The following EYS variants were observed in gnomAD, a reference collection of about 807,000 sequenced individuals.
EYS encodes EGF-like photoreceptor maintenance factor, also known as protein eyes shut homolog.
In EYS, 250 loss-of-function variants were observed where a neutral mutation model predicts 282.1. The ratio of observed to expected loss-of-function variants is 0.89; its 90% CI spans 0.80 to 0.98. EYS has a LOEUF of 0.98. Ranked by LOEUF, EYS falls within the 50% of genes least tolerant of loss-of-function variation. The pLI is 0.00. For missense variants in EYS, 4,016 were observed against 3,709.0 expected (o/e 1.08, Z -2.15); for synonymous variants, 1,355 against 1,282.9 (o/e 1.06, Z -1.20).
intron 2 of EYS, among the ~76,000 whole-genome samples, chr6:65,627,961 T>G (rs1766775227): frequency 6.6e-6 from 1 of 152,246 alleles, no homozygotes; most frequent in South Asian, 2.1e-4. Context: ...CAGCTCCACC[T>G]GCAGCCCCGG....
intron 22 of EYS, among the ~76,000 whole-genome samples, chr6:64,809,573 C>A (rs1221971412): frequency 2.6e-5 from 4 of 151,952 alleles, no homozygotes; most frequent in Non-Finnish European, 4.4e-5. Context: ...AACCTACATG[C>A]CCATCAACAG....
chr6:65,416,495 T>G (rs574836739), intron 5 of EYS, among the ~76,000 whole-genome samples: 1 of 152,096 alleles, frequency 6.6e-6, no homozygotes, highest in African/African-American at 2.4e-5. Context: ...CTATTAAAAT[T>G]ATCTAAGTAA....
Position 64,586,550 on chromosome 6 carries a change from C to G in EYS, c.5644+3673G>C, listed in dbSNP as rs1332974383. ...ATGATTAGGAAATATTAATAGATGCCAAAAAGATTTGAAGATGTAAATCTT... is the reference window on the plus strand; with the variant it reads ...ATGATTAGGAAATATTAATAGATGCGAAAAAGATTTGAAGATGTAAATCTT... On this transcript the variant is annotated intron_variant, in intron 26 of 42. Coordinates refer to ENST00000503581, the MANE Select transcript of EYS (RefSeq NM_001142800.2). Among the ~76,000 whole-genome samples, 3 of 151,390 alleles carry G rather than the reference C, an allele frequency of 2.0e-5. No homozygotes were observed. The East Asian group carries it at 5.8e-4, about 29-fold the overall frequency.
chr6:63,882,968 T>G (rs924848846), intron 35 of EYS, among the ~76,000 whole-genome samples: 4 of 152,168 alleles, frequency 2.6e-5, no homozygotes, highest in African/African-American at 7.2e-5. Context: ...GATAACAAAA[T>G]GTACTCAACA....
intron 41 of EYS, among the ~76,000 whole-genome samples, chr6:63,741,066 A>T (rs1769062967): frequency 6.6e-6 from 1 of 152,180 alleles, no homozygotes; most frequent in African/African-American, 2.4e-5. Flanking sequence ...CTTCTTGGAT[A>T]ACTGATCTAC....
intron 13 of EYS, among the ~76,000 whole-genome samples, chr6:65,039,721 T>G: frequency 6.6e-6 from 1 of 151,742 alleles, no homozygotes; most frequent in African/African-American, 2.4e-5. Context: ...AAAAGATATT[T>G]TAGAAAGTTT....
intron 22 of EYS, among the ~76,000 whole-genome samples, chr6:64,681,510 A>G (rs938213478): frequency 6.6e-6 from 1 of 152,190 alleles, no homozygotes; most frequent in Non-Finnish European, 1.5e-5. Context: ...TTAGGCAGTT[A>G]GACAGGCATG....
chr6:65,552,631 G>C (rs1358579633), intron 2 of EYS, among the ~76,000 whole-genome samples: 1 of 152,060 alleles, frequency 6.6e-6, no homozygotes, highest in Non-Finnish European at 1.5e-5. Context: ...ATCATGTGCA[G>C]ATGCATTCTC....
intron 35 of EYS, among the ~76,000 whole-genome samples, chr6:63,890,462 C>A (rs1183910974): frequency 6.6e-6 from 1 of 152,194 alleles, no homozygotes; most frequent in African/African-American, 2.4e-5. Flanking sequence ...AACCACACAA[C>A]CACATGGAAA....
intron 42 of EYS, among the ~76,000 whole-genome samples, chr6:63,722,438 C>G (rs1768435499): frequency 6.6e-6 from 1 of 152,130 alleles, no homozygotes; most frequent in Non-Finnish European, 1.5e-5. Context: ...AGGTTTCCCT[C>G]CATTACAGTA....
intron 28 of EYS, among the ~76,000 whole-genome samples, chr6:64,414,370 C>T (rs571000571): frequency 6.6e-6 from 1 of 152,050 alleles, no homozygotes; most frequent in Admixed American, 6.6e-5. Context: ...GAGGGTAGAA[C>T]ATCTAGATAT....
intron 12 of EYS, among the ~76,000 whole-genome samples, chr6:65,062,378 T>A (rs1003872154): frequency 6.6e-6 from 1 of 152,068 alleles, no homozygotes; most frequent in South Asian, 2.1e-4. Context: ...AACCTGTCTA[T>A]TTATCTCCAT....
intron 26 of EYS, among the ~76,000 whole-genome samples, chr6:64,558,918 C>CA: frequency 6.6e-6 from 1 of 152,222 alleles, no homozygotes; most frequent in African/African-American, 2.4e-5. Context: ...AAGGCAGTTT[C>CA]AAAGTTTTTG....
At chr6:64,391,311 G>A (rs1167774085) in intron 28 of EYS, among the ~76,000 whole-genome samples, 1 of 151,792 alleles carries the variant, frequency 6.6e-6, no homozygotes, top group African/African-American at 2.4e-5. Context: ...GCAACTCCAA[G>A]ACACATAATT....
intron 26 of EYS, among the ~76,000 whole-genome samples, chr6:64,466,267 T>C (rs940081369): frequency 2.0e-5 from 3 of 152,056 alleles, no homozygotes; most frequent in Middle Eastern, 3.2e-3. Flanking sequence ...CCAAAGGTAA[T>C]GAAATGAGTA....
chr6:64,475,057 T>C (rs944652433), intron 26 of EYS, among the ~76,000 whole-genome samples: 14 of 152,194 alleles, frequency 9.2e-5, no homozygotes, highest in Admixed American at 3.3e-4. Context: ...TTCTGTTTTA[T>C]TTTACATTAT....
At chr6:64,467,821 G>A (rs1244029513) in intron 26 of EYS, among the ~76,000 whole-genome samples, 3 of 152,054 alleles carry the variant, frequency 2.0e-5, no homozygotes, top group Admixed American at 2.0e-4. Flanking sequence ...TGGGGACCCA[G>A]GGATCAGCCT....
At chr6:64,128,998 A>T (rs1398691866) in intron 31 of EYS, among the ~76,000 whole-genome samples, 1 of 152,194 alleles carries the variant, frequency 6.6e-6, no homozygotes, top group Non-Finnish European at 1.5e-5. Context: ...GGCAAATTAT[A>T]TACAACCCTC....
intron 19 of EYS, among the ~76,000 whole-genome samples, chr6:64,823,439 C>T (rs1467466076): frequency 1.3e-5 from 2 of 151,560 alleles, no homozygotes; most frequent in African/African-American, 2.4e-5. Flanking sequence ...TAGAAAACAC[C>T]GAGATGATAA....
Sources: allele counts gnomAD v4.1 joint callset (sites outside exome capture counted in the v4.1 genomes callset), GRCh38; gene constraint gnomAD v4.1.1; transcripts MANE v1.5; gene names NCBI Gene and HGNC (gene_info 2026-07-23, HGNC 2026-07-21).